TTN: variants seen among roughly 807,000 people sequenced by gnomAD.
TTN encodes titin.
TTN carries 1,525 observed loss-of-function variants against 3,223.0 expected under a neutral mutation model. The observed-to-expected ratio is 0.47, with a 90% confidence interval of 0.45 to 0.49. TTN has a LOEUF of 0.49. TTN is among the 20% of genes least tolerant of loss of function. TTN has a pLI of 0.00. For synonymous variants in TTN, 14,094 were observed against 15,161.0 expected, an observed-to-expected ratio of 0.93 and a Z score of 5.17; for missense variants, 40,786 against 43,424.0, an observed-to-expected ratio of 0.94 and a Z score of 5.40.
rs397517602 is a variant in TTN, at chr2:178,611,582, G to A, written c.50647C>T (p.Pro16883Ser). The A allele has an allele frequency of 1.2e-6, 2 of 1,612,984 alleles. No individual in the cohort carries two copies. The highest frequency in any genetic ancestry group is 2.7e-5 in the African/African-American group (2 of 74,976). ...ATTTCAACATGGTATCCTATGATAG[G>A]ACTTCCACCATTTTTCTCTGGAGGC... ...WKPPEKNGGS[P>S]IIGYHVEMCP... The change falls in exon 269 of 363, where the codon CCT becomes TCT. Residue 16883 changes from proline to serine, a missense_variant. Coordinates refer to ENST00000589042, the MANE Select transcript of TTN (RefSeq NM_001267550.2).
chr2:178,531,098 CAGA>C lies in TTN; in HGVS notation c.105514_105516del (p.Ser35172del), dbSNP rs573843615. Reference sequence around the variant, plus strand: ...TTTGTGGTGGTCACTTGGTGGCGGGCAGAAGTACTTAGCACTTGTCCTTTACGC... The same window carrying C: ...TTTGTGGTGGTCACTTGGTGGCGGGCAGTACTTAGCACTTGTCCTTTACGC... On this transcript the variant is annotated inframe_deletion, in exon 358 of 363. Coordinates refer to ENST00000589042, the MANE Select transcript of TTN (RefSeq NM_001267550.2). 3.3e-4 allele frequency: 532 copies of C among 1,613,884 alleles called. No homozygotes were observed. The highest frequency in any genetic ancestry group is 4.0e-4 in the Non-Finnish European group (470 of 1,179,894).
chr2:178,732,605 C>T lies in TTN; in HGVS notation c.16456G>A (p.Gly5486Ser), dbSNP rs1430669284. 1.2e-6 allele frequency: 2 copies of T among 1,613,516 alleles called. No individual in the cohort carries two copies. The highest frequency in any genetic ancestry group is 1.7e-5 in the Admixed American group (1 of 59,958). Residue 5486 changes from glycine to serine, a missense_variant, in exon 56 of 363, where the codon GGC (glycine) becomes AGC (serine). Coordinates refer to ENST00000589042, the MANE Select transcript of TTN (RefSeq NM_001267550.2). ...CCACCAGAAACCAGCTCTTTGTTGC[C>T]CTTAAACCATCTGATTGTGAGAGGA... ...STPLTIRWFKGNKELVSGGSC... is the reference protein window; with the variant it reads ...STPLTIRWFKSNKELVSGGSC...
In TTN at chr2:178,734,844, G is replaced by T; in HGVS notation, c.15080C>A (p.Thr5027Lys). Reference protein sequence around the residue: ...KNNKELSESNTVRMYFVNSEA... With the variant: ...KNNKELSESNKVRMYFVNSEA... ...AGAATTGACAAAATACATTCGGACT[G>T]TGTTACTTTCACTGAGTTCTTTGTT... The change falls in exon 51 of 363, where the codon ACA (threonine) becomes AAA (lysine). Residue 5027 changes from threonine to lysine, a missense_variant. Transcript: ENST00000589042. The T allele has an allele frequency of 1.2e-6, 2 of 1,613,736 alleles. No homozygotes were observed. The highest frequency in any genetic ancestry group is 2.2e-5 in the East Asian group (1 of 44,852).
chr2:178,526,864 G>T lies in TTN; in HGVS notation c.*148C>A. ...TTAGGTCAACAATTATGAAAAGATT[G>T]AAATGAATATTTTTGAACTTTGACT... On this transcript the variant is annotated 3_prime_UTR_variant, in exon 363 of 363. Transcript: ENST00000589042. The T allele has an allele frequency of 1.5e-6, 1 of 667,200 alleles. No individual in the cohort carries two copies. The highest frequency in any genetic ancestry group is 2.8e-5 in the East Asian group (1 of 36,156). 41.3% of individuals were successfully genotyped at this position (667,200 alleles called of 1,614,324 possible).
At chr2:178,673,478 A>G (rs1314130290) in intron 152 of TTN, among the ~76,000 whole-genome samples, 155 bp downstream of exon 152, 1 of 151,830 alleles carries the variant, frequency 6.6e-6, no homozygotes, top group Non-Finnish European at 1.5e-5. Flanking sequence ...CATCCTAGAA[A>G]AGATTAAAGA....
intron 17 of TTN, 21 bp from the exon 18 acceptor site, chr2:178,783,085 AAAT>A (rs761293135): frequency 3.7e-6 from 6 of 1,612,352 alleles, no homozygotes; most frequent in Admixed American, 3.3e-5. Context: ...GAGAAAAAAT[AAAT>A]AATGATACGT....
chr2:178,690,656 G>A (rs1223136722), intron 121 of TTN, among the ~76,000 whole-genome samples: 1 of 152,100 alleles, frequency 6.6e-6, no homozygotes, highest in African/African-American at 2.4e-5. Flanking sequence ...GGCAATAATT[G>A]TTCTCATTTT....
rs769408902 is a variant in TTN at position 178,579,819 on chromosome 2, C to T, written c.67378G>A (p.Val22460Met). The stretch of plus-strand genomic sequence containing the variant: ...CAGGATGACTTAGATACAGACCTCA[C>T]TTTCAGGTCCACAACTGGTCCAGGA... ...QTPGPVVDLKVRSVSKSSCSI... is the reference protein window; with the variant it reads ...QTPGPVVDLKMRSVSKSSCSI... The change falls in exon 319 of 363, where the codon GTG (valine) becomes ATG (methionine). Residue 22460 changes from valine (V) to methionine (M), a missense_variant. By Grantham distance (21) the Val-to-Met change is conservative. Transcript: ENST00000589042. 6.2e-7 allele frequency: 1 copy of T among 1,613,296 alleles called. No individual in the cohort carries two copies. Among genetic ancestry groups the T allele is most frequent in the Non-Finnish European group, 8.5e-7 (1 of 1,179,498 alleles).
chr2:178,779,328 A>C lies in TTN; in HGVS notation c.3864T>G (p.Ala1288=), dbSNP rs368702156. The change falls in exon 23 of 363, where the codon GCT becomes GCG. Residue 1288 remains alanine (A), a synonymous_variant. Coordinates refer to ENST00000589042, the MANE Select transcript of TTN (RefSeq NM_001267550.2). ...TTCTTGAATCAAATCCTGATTCAACAGCTTCAGATTCAGAAATGTCAACTG... is the reference window on the plus strand; with the variant it reads ...TTCTTGAATCAAATCCTGATTCAACCGCTTCAGATTCAGAAATGTCAACTG... ...KMAVDISESE[A]VESGFDSRIK... 1.2e-4 allele frequency: 196 copies of C among 1,613,314 alleles called. No individual in the cohort carries two copies. Among genetic ancestry groups the C allele is most frequent in the Admixed American group, 1.7e-4 (10 of 59,974 alleles).
chr2:178,645,985 C>T lies in TTN; in HGVS notation c.40343G>A (p.Arg13448Lys). ...TGGAGCAGGTGGAGGAGGTGGGGGT[C>T]TTGGTTTGAGTTTTGGCTTCTCAAT... ...KVIEKPKLKPRPPPPPPAPPK... is the reference protein window; with the variant it reads ...KVIEKPKLKPKPPPPPPAPPK... The change falls in exon 217 of 363, where the codon AGA becomes AAA. Residue 13448 changes from arginine to lysine, a missense_variant. Coordinates refer to ENST00000589042, the MANE Select transcript of TTN (RefSeq NM_001267550.2). The T allele has an allele frequency of 1.3e-6, 2 of 1,583,518 alleles. No individual in the cohort carries two copies. The highest frequency in any genetic ancestry group is 1.2e-5 in the South Asian group (1 of 83,684).
In TTN at chr2:178,651,438, G is replaced by A. The variant is rs931727594; in HGVS notation, c.39547+15C>T. On this transcript the variant is annotated intron_variant, in intron 207 of 362. Transcript: ENST00000589042. ...CTCCATCCGCCCCCATCAAACAGTG[G>A]ACAGCCACATATACCTTTAGCAGGT... 9 of 1,605,726 alleles carry A rather than the reference G, an allele frequency of 5.6e-6. No individual in the cohort carries two copies. In the African/African-American group the frequency reaches 1.1e-4, roughly 19 times the overall value.
chr2:178,782,234 C>A lies in TTN; in HGVS notation c.3358G>T (p.Val1120Phe). 1 of 1,614,082 alleles carries A rather than the reference C, an allele frequency of 6.2e-7. No homozygotes were observed. Among genetic ancestry groups the A allele is most frequent in the Non-Finnish European group, 8.5e-7 (1 of 1,179,992 alleles). Residue 1120 changes from valine to phenylalanine, a missense_variant, in exon 20 of 363, where the codon GTT (valine) becomes TTT (phenylalanine). Val to Phe is a conservative substitution (Grantham distance 50, BLOSUM62 -1). Transcript: ENST00000589042. ...KPHVYWKKSG[V>F]PLTTGYRYKV... ...TACCTGTATCCAGTGGTTAGAGGAA[C>A]ACCAGATTTTTTCCAGTATACATGG...
rs1553673472 is a variant in TTN at position 178,601,710 on chromosome 2, T to C, written c.55380A>G (p.Thr18460=). 6.2e-7 allele frequency: 1 copy of C among 1,609,600 alleles called. No individual in the cohort carries two copies. Among genetic ancestry groups the C allele is most frequent in the Non-Finnish European group, 8.5e-7 (1 of 1,178,562 alleles). ...KRSHTGKYSI[T]AKNKAGQKTA... The stretch of plus-strand genomic sequence containing the variant: ...TCTTTTGTCCTGCTTTATTCTTGGC[T>C]GTGATGCTGTATTTGCCTGTATGAG... The change falls in exon 286 of 363, where the codon ACA becomes ACG. Residue 18460 remains threonine, a synonymous_variant. Transcript: ENST00000589042.
rs1478091869 is a variant in TTN at position 178,581,961 on chromosome 2, A to G, written c.66408T>C (p.Ala22136=). The stretch of plus-strand genomic sequence containing the variant: ...ATGCGTCACTGGGTTTGCCTGGTCC[A>G]GCTTTATTTATAGCTGTAACACGGA... ...YEFRVTAINK[A]GPGKPSDASK... is the part of the protein sequence containing the mutation. Residue 22136 remains alanine (A), a synonymous_variant, in exon 315 of 363, where the codon GCT becomes GCC. Transcript: ENST00000589042. The G allele has an allele frequency of 1.9e-6, 3 of 1,613,310 alleles. No homozygotes were observed. Among genetic ancestry groups the G allele is most frequent in the Middle Eastern group, 1.7e-4 (1 of 6,048 alleles).
intron 125 of TTN, 42 bp from the exon 126 acceptor site, chr2:178,688,820 T>C: frequency 6.7e-7 from 1 of 1,482,350 alleles, no homozygotes; most frequent in Non-Finnish European, 9.4e-7. Context: ...ATCAAGAATT[T>C]TAACAATTCT....
chr2:178,671,932 A>G, intron 155 of TTN, 39 bp downstream of exon 155: 1 of 1,568,992 alleles, frequency 6.4e-7, no homozygotes, highest in Non-Finnish European at 8.6e-7. Flanking sequence ...AGTTAGAGCA[A>G]GATATAAGAA....
rs376597164 is a variant in TTN, at chr2:178,552,650, T to G, written c.90250A>C (p.Lys30084Gln). Residue 30084 changes from lysine to glutamine, a missense_variant, in exon 335 of 363, where the codon AAG becomes CAG. By Grantham distance (53) the Lys-to-Gln change is moderately conservative. Transcript: ENST00000589042. The part of the protein sequence containing the change: ...EQTWSHAGIS[K>Q]TCEIEVSQLK... ...TGGCTAACCTCAATTTCACATGTCT[T>G]ACTTATGCCAGCGTGGGACCACGTC... 2.2e-5 allele frequency: 36 copies of G among 1,613,852 alleles called. No individual in the cohort carries two copies. Among genetic ancestry groups the G allele is most frequent in the Non-Finnish European group, 3.1e-5 (36 of 1,179,854 alleles).
rs942786243 is a variant in TTN, at chr2:178,536,785, G to A, written c.100171+153C>T. ...GTTAGGATATATATTTCTCCTTTTA[G>A]ATATGCAAACATTCAATTAAAGTGA... On this transcript the variant is annotated intron_variant, in intron 356 of 362. Transcript: ENST00000589042. 3 of 837,698 alleles carry A rather than the reference G, an allele frequency of 3.6e-6. No homozygotes were observed. In the African/African-American group the frequency reaches 5.2e-5, roughly 14 times the overall value. The allele number at this position is 837,698 out of a possible 1,614,324, so 51.9% of individuals were successfully genotyped here. A position where few individuals can be genotyped will look rare whatever the true frequency, so the allele number is the denominator to read the frequency against.
chr2:178,700,059 A>T (rs944222638), intron 111 of TTN, among the ~76,000 whole-genome samples: 1 of 152,224 alleles, frequency 6.6e-6, no homozygotes, highest in Non-Finnish European at 1.5e-5. Flanking sequence ...CAAGTTTCAC[A>T]GTGAGTACCA....
Sources: allele counts gnomAD v4.1 joint callset (sites outside exome capture counted in the v4.1 genomes callset), GRCh38; gene constraint gnomAD v4.1.1; transcripts MANE v1.5; gene names NCBI Gene and HGNC (gene_info 2026-07-23, HGNC 2026-07-21).